The following NTRK2 variants were observed in gnomAD, a reference collection of about 807,000 sequenced individuals.
The protein encoded by NTRK2 is BDNF/NT-3 growth factors receptor.
A neutral mutation model predicts 94.5 loss-of-function variants in NTRK2; 13 were observed. That is an observed-to-expected ratio of 0.14 (90% CI 0.09 to 0.22). The LOEUF is 0.22. NTRK2 is among the 10% of genes least tolerant of loss of function. The pLI is 1.00. For synonymous variants in NTRK2, 372 were observed against 407.4 expected (o/e 0.91, Z 1.05); for missense variants, 639 against 1,071.2 (o/e 0.60, Z 5.63).
intron 15 of NTRK2, among the ~76,000 whole-genome samples, chr9:84,947,742 C>T (rs1224990680): frequency 6.6e-6 from 1 of 152,232 alleles, no homozygotes; most frequent in African/African-American, 2.4e-5. Flanking sequence ...GATGTCATCA[C>T]AGCTCTGGCT....
chr9:84,792,245 A>G (rs1216433599), intron 12 of NTRK2, among the ~76,000 whole-genome samples: 1 of 152,230 alleles, frequency 6.6e-6, no homozygotes, highest in Non-Finnish European at 1.5e-5. Flanking sequence ...TTCAACTGAC[A>G]TTTGATTAAT....
At chr9:84,885,993 T>C (rs986708833) in intron 14 of NTRK2, among the ~76,000 whole-genome samples, 1 of 151,686 alleles carries the variant, frequency 6.6e-6, no homozygotes, top group East Asian at 1.9e-4. Context: ...ATTGCGCCAC[T>C]GCACTCCAGC....
chr9:84,864,447 A>G (rs1392642729), intron 13 of NTRK2, among the ~76,000 whole-genome samples: 1 of 152,176 alleles, frequency 6.6e-6, no homozygotes, highest in Non-Finnish European at 1.5e-5. Context: ...AGAAACCACT[A>G]AAGAACATAT....
intron 2 of NTRK2, among the ~76,000 whole-genome samples, chr9:84,698,209 T>C (rs1358092645): frequency 1.3e-5 from 2 of 152,142 alleles, no homozygotes; most frequent in Non-Finnish European, 2.9e-5. Flanking sequence ...CTTTCTATAC[T>C]TGGCATATCT....
chr9:84,875,319 G>A, intron 14 of NTRK2: 1 of 1,060,022 alleles, frequency 9.4e-7, no homozygotes, highest in Non-Finnish European at 1.1e-6. Flanking sequence ...TTAAGAGCGG[G>A]GGTCTGGCCA....
At chr9:84,806,759 C>A (rs1248246068) in intron 12 of NTRK2, among the ~76,000 whole-genome samples, 2 of 152,214 alleles carry the variant, frequency 1.3e-5, no homozygotes, top group African/African-American at 2.4e-5. Flanking sequence ...GGTGTTTAAG[C>A]CCAGATGCTG....
At chr9:84,711,021 TTTTG>T (rs957684564) in intron 6 of NTRK2, among the ~76,000 whole-genome samples, 8 of 152,294 alleles carry the variant, frequency 5.3e-5, no homozygotes, top group South Asian at 2.1e-4. Context: ...TGCTTATTCT[TTTTG>T]TTTGTTTGTT....
At chr9:84,810,716 C>G in intron 12 of NTRK2, 1 of 1,560,076 alleles carries the variant, frequency 6.4e-7, no homozygotes, top group East Asian at 2.4e-5. Context: ...TAGATGTGGG[C>G]GGTGTTTGGA....
chr9:84,905,763 A>T (rs1173246335), intron 14 of NTRK2, among the ~76,000 whole-genome samples: 1 of 152,152 alleles, frequency 6.6e-6, no homozygotes, highest in Non-Finnish European at 1.5e-5. Flanking sequence ...TTAAATTAAT[A>T]TAGATCTGAA....
At chr9:84,956,028 G>A (rs1824074383) in intron 17 of NTRK2, among the ~76,000 whole-genome samples, 1 of 152,212 alleles carries the variant, frequency 6.6e-6, no homozygotes, top group African/African-American at 2.4e-5. Context: ...TCCTCAGTGT[G>A]AGAATCCTTC....
intron 12 of NTRK2, among the ~76,000 whole-genome samples, chr9:84,773,099 T>C (rs914582203): frequency 2.0e-5 from 3 of 152,206 alleles, no homozygotes; most frequent in African/African-American, 7.2e-5. Context: ...CTTAATTTGG[T>C]ATTAAAGTTG....
intron 10 of NTRK2, 54 bp downstream of exon 10, chr9:84,741,981 T>C (rs1313317467): frequency 6.8e-7 from 1 of 1,464,768 alleles, no homozygotes; most frequent in South Asian, 1.2e-5. Flanking sequence ...TTGTGTATCA[T>C]GAAGTAAATC....
chr9:84,701,683 T>C (rs944521652), intron 2 of NTRK2, among the ~76,000 whole-genome samples: 2 of 151,774 alleles, frequency 1.3e-5, no homozygotes, highest in Non-Finnish European at 2.9e-5. Flanking sequence ...GAGGAAGGGG[T>C]AGGGAAAACG....
chr9:84,745,904 C>G (rs915948618), intron 11 of NTRK2, among the ~76,000 whole-genome samples: 2 of 152,130 alleles, frequency 1.3e-5, no homozygotes, highest in Admixed American at 1.3e-4. Flanking sequence ...AGGGAAGTCA[C>G]ATGATCCCAG....
chr9:84,910,896 T>G (rs900952442), intron 14 of NTRK2, among the ~76,000 whole-genome samples: 2 of 152,204 alleles, frequency 1.3e-5, no homozygotes, highest in African/African-American at 4.8e-5. Flanking sequence ...TGAATTTCCA[T>G]ATACATTTCA....
rs1303772589 is a variant in NTRK2, at chr9:84,702,388, G to A, written c.328G>A (p.Ala110Thr). The change falls in exon 4 of 19, where the codon GCA becomes ACA. Residue 110 changes from alanine (A) to threonine (T), a missense_variant. By Grantham distance (58) the Ala-to-Thr change is moderately conservative. Coordinates refer to ENST00000277120, the MANE Select transcript of NTRK2 (RefSeq NM_006180.6). Reference protein sequence around the residue: ...DSGLKFVAHKAFLKNSNLQHI... With the variant: ...DSGLKFVAHKTFLKNSNLQHI... ...TGGATTAAAATTTGTGGCTCATAAA[G>A]CATTTCTGAAAAACAGCAACCTGCA... 1 of 1,614,178 alleles carries A rather than the reference G, an allele frequency of 6.2e-7. No homozygotes were observed. Among genetic ancestry groups the A allele is most frequent in the South Asian group, 1.1e-5 (1 of 91,088 alleles).
At chr9:84,704,816 T>C (rs2060948493) in intron 4 of NTRK2, among the ~76,000 whole-genome samples, 1 of 152,162 alleles carries the variant, frequency 6.6e-6, no homozygotes, top group Non-Finnish European at 1.5e-5. Flanking sequence ...AAGAGGCTCT[T>C]AATCACCAAA....
At chr9:84,821,745 G>A (rs75111419) in intron 12 of NTRK2, among the ~76,000 whole-genome samples, 8 of 151,436 alleles carry the variant, frequency 5.3e-5, no homozygotes, top group Admixed American at 5.3e-4. Context: ...TTATTTTGCT[G>A]TGAATTATAA....
At chr9:84,768,894 C>A (rs767498254) in intron 12 of NTRK2, among the ~76,000 whole-genome samples, 1 of 152,036 alleles carries the variant, frequency 6.6e-6, no homozygotes, top group Non-Finnish European at 1.5e-5. Context: ...GTTCTGAGGG[C>A]AGGCCAGGGT....
Sources: gnomAD v4.1 joint callset for allele counts (sites outside exome capture counted in the v4.1 genomes callset) on GRCh38, gnomAD v4.1.1 for gene constraint, MANE v1.5 for transcripts, NCBI Gene and HGNC (gene_info 2026-07-23, HGNC 2026-07-21) for gene names.